The following FAM81A variants were observed in gnomAD, a reference collection of about 807,000 sequenced individuals.
The protein encoded by FAM81A is family with sequence similarity 81 member A.
Under a neutral mutation model 46.7 loss-of-function variants are expected in FAM81A, and 19 were observed. The ratio of observed to expected loss-of-function variants is 0.41; its 90% CI spans 0.28 to 0.60. The LOEUF is 0.60. Among genes scored for constraint, FAM81A ranks in the 20% least tolerant of loss-of-function variants. FAM81A has a pLI of 0.34. For synonymous variants in FAM81A, 183 were observed against 152.9 expected (o/e 1.20, Z -1.45); for missense variants, 377 against 453.5 (o/e 0.83, Z 1.53).
chr15:59,488,409 G>T lies in FAM81A; in HGVS notation c.295-3862G>T, dbSNP rs190952000. Among the ~76,000 whole-genome samples the T allele has an allele frequency of 1.9e-4, 29 of 152,252 alleles. No individual in the cohort carries two copies. In the East Asian group the frequency reaches 5.0e-3, roughly 26 times the overall value. The stretch of plus-strand genomic sequence containing the variant: ...GCTGTTATTCCACATAGTACTAGAT[G>T]TCCTAGCTAGAGCAATCAGACAAAA... On this transcript the variant is annotated intron_variant, in intron 3 of 8. Coordinates refer to ENST00000288228, the MANE Select transcript of FAM81A (RefSeq NM_152450.3).
rs2082338629 is a variant in FAM81A, at chr15:59,522,620, C to T, written c.*1242C>T. ...ATTGGCCCCAGTGCTGTTTGTTCAT[C>T]TCTGTATGTAAAAACTGACAGTGAG... On this transcript the variant is annotated 3_prime_UTR_variant, in exon 9 of 9. Coordinates refer to ENST00000288228, the MANE Select transcript of FAM81A (RefSeq NM_152450.3). The T allele has an allele frequency of 6.6e-6, 1 of 152,488 alleles. No homozygotes were observed. The allele number at this position is 152,488 out of a possible 1,614,324, so 9.4% of individuals were successfully genotyped here.
At chr15:59,417,495 C>G (rs778802180) in intron 2 of FAM81A, among the ~76,000 whole-genome samples, 1 of 151,368 alleles carries the variant, frequency 6.6e-6, no homozygotes, top group Non-Finnish European at 1.5e-5. Flanking sequence ...CACTTGAGGT[C>G]AGGAGTTCGA....
At chr15:59,509,297 A>G (rs1249704873) in intron 6 of FAM81A, among the ~76,000 whole-genome samples, 3 of 152,204 alleles carry the variant, frequency 2.0e-5, no homozygotes, top group East Asian at 1.9e-4. Context: ...CCATTAATCA[A>G]TGACATAAAT....
intron 1 of FAM81A, among the ~76,000 whole-genome samples, chr15:59,453,184 C>G (rs142480112): frequency 3.2e-4 from 49 of 152,336 alleles, no homozygotes; most frequent in African/African-American, 1.1e-3. Flanking sequence ...AGGCCAGACA[C>G]TGTTCTGGAT....
chr15:59,398,578 G>C (rs1347859146), intron 1 of FAM81A, among the ~76,000 whole-genome samples: 3 of 150,930 alleles, frequency 2.0e-5, no homozygotes, highest in Non-Finnish European at 3.0e-5. Flanking sequence ...GACCAACATG[G>C]TGAAACCCAG....
intron 1 of FAM81A, among the ~76,000 whole-genome samples, chr15:59,400,695 G>C (rs1170914097): frequency 1.3e-5 from 2 of 152,122 alleles, no homozygotes; most frequent in South Asian, 2.1e-4. Context: ...TTCGGCCTTA[G>C]GTCTGTTCCA....
At chr15:59,507,663 C>T (rs1308637954) in intron 5 of FAM81A, among the ~76,000 whole-genome samples, 9 of 152,186 alleles carry the variant, frequency 5.9e-5, no homozygotes, top group Non-Finnish European at 1.2e-4. Context: ...AGTGATCAAG[C>T]ATCCTTTACA....
At chr15:59,424,313 G>A (rs1208850519) in intron 2 of FAM81A, among the ~76,000 whole-genome samples, 1 of 152,144 alleles carries the variant, frequency 6.6e-6, no homozygotes, top group African/African-American at 2.4e-5. Flanking sequence ...CTTGGTTCTT[G>A]GTTCTTGATT....
intron 3 of FAM81A, among the ~76,000 whole-genome samples, chr15:59,476,949 A>G (rs554866878): frequency 1.3e-5 from 2 of 150,678 alleles, no homozygotes; most frequent in East Asian, 3.9e-4. Context: ...GTGAAACCCC[A>G]TCTCTACTAA....
rs562801809 is a variant in FAM81A at position 59,486,701 on chromosome 15, T to C, written c.295-5570T>C. On this transcript the variant is annotated intron_variant, in intron 3 of 8. Coordinates refer to ENST00000288228, the MANE Select transcript of FAM81A (RefSeq NM_152450.3). ...AACATACAATGGAGCTCCAATAAGT[T>C]TGGCAACAGACTTGTGGCATGACGT... is the stretch of plus-strand genomic sequence containing the variant. Among the ~76,000 whole-genome samples, 153 of 152,210 alleles carry C rather than the reference T, an allele frequency of 1.0e-3. 1 individual carries two copies. The highest frequency in any genetic ancestry group is 3.4e-3 in the African/African-American group (143 of 41,558).
At chr15:59,480,854 A>G (rs2081841449) in intron 3 of FAM81A, among the ~76,000 whole-genome samples, 1 of 152,188 alleles carries the variant, frequency 6.6e-6, no homozygotes, top group Non-Finnish European at 1.5e-5. Flanking sequence ...TTACTTTTCT[A>G]AGTTTTCATT....
chr15:59,497,713 A>G (rs1167844431), intron 4 of FAM81A, among the ~76,000 whole-genome samples: 1 of 152,158 alleles, frequency 6.6e-6, no homozygotes, highest in Non-Finnish European at 1.5e-5. Context: ...GCAAGACTGT[A>G]TATCTATGAA....
intron 2 of FAM81A, among the ~76,000 whole-genome samples, chr15:59,431,545 T>TTG (rs1201925898): frequency 7.9e-5 from 12 of 151,976 alleles, no homozygotes; most frequent in African/African-American, 2.7e-4. Flanking sequence ...TTTTTTTTTT[T>TTG]TTTTGAGACA....
chr15:59,511,486 A>C (rs1256870391), intron 6 of FAM81A, among the ~76,000 whole-genome samples: 1 of 152,192 alleles, frequency 6.6e-6, no homozygotes, highest in African/African-American at 2.4e-5. Context: ...GGATGTGGGG[A>C]ACAGGACCTC....
chr15:59,472,606 A>T (rs2081709156), intron 3 of FAM81A, among the ~76,000 whole-genome samples: 1 of 150,416 alleles, frequency 6.6e-6, no homozygotes. Context: ...CTGGCTGTGC[A>T]GTGGTATGAT....
In FAM81A at chr15:59,523,067, C is replaced by T. The variant is rs1326386402; in HGVS notation, c.*1689C>T. 6.6e-6 allele frequency: 1 copy of T among 152,266 alleles called. No homozygotes were observed. The highest frequency in any genetic ancestry group is 1.5e-5 in the Non-Finnish European group (1 of 68,064). The allele number at this position is 152,266 out of a possible 1,614,324, so 9.4% of individuals were successfully genotyped here. A position where few individuals can be genotyped will look rare whatever the true frequency, so the allele number is the denominator to read the frequency against. The stretch of plus-strand genomic sequence containing the variant: ...CCACGTTTAAGCACAAACCACAGCA[C>T]AGGAAGCCACACCCCCTCCAGCATC... On this transcript the variant is annotated 3_prime_UTR_variant, in exon 9 of 9. Transcript: ENST00000288228.
intron 3 of FAM81A, among the ~76,000 whole-genome samples, chr15:59,463,305 A>C (rs2081574876): frequency 6.6e-6 from 1 of 152,012 alleles, no homozygotes; most frequent in Non-Finnish European, 1.5e-5. Flanking sequence ...ATAACGGTTT[A>C]TTTCTGGATT....
intron 8 of FAM81A, among the ~76,000 whole-genome samples, chr15:59,519,904 T>G (rs1373250464): frequency 6.6e-6 from 1 of 152,152 alleles, no homozygotes; most frequent in Non-Finnish European, 1.5e-5. Flanking sequence ...GGCAGTAATT[T>G]AATTTCTTTT....
At position 59,493,849 on chromosome 15, in the gene FAM81A, G is replaced by C. The variant is rs1039018449; in HGVS notation, c.413+1460G>C. Among the ~76,000 whole-genome samples the C allele has an allele frequency of 3.9e-5, 6 of 152,170 alleles. No individual in the cohort carries two copies. In the South Asian group the frequency reaches 1.0e-3, roughly 26 times the overall value. ...GTGATCCGCCCACCTCGGCCTCCAA[G>C]AGTGCTGGGATTACAGGTGTGAGCC... On this transcript the variant is annotated intron_variant, in intron 4 of 8. Transcript: ENST00000288228.
Sources: allele counts gnomAD v4.1 joint callset (sites outside exome capture counted in the v4.1 genomes callset), GRCh38; gene constraint gnomAD v4.1.1; transcripts MANE v1.5; gene names NCBI Gene and HGNC (gene_info 2026-07-23, HGNC 2026-07-21).